CEP170: variants seen among roughly 807,000 people sequenced by gnomAD.
CEP170 encodes centrosomal protein of 170 kDa.
Under a neutral mutation model 151.9 loss-of-function variants are expected in CEP170, and 21 were observed. That is an observed-to-expected ratio of 0.14 (90% CI 0.10 to 0.20). The LOEUF (loss-of-function observed/expected upper bound fraction) is 0.20, where lower values mean the gene tolerates loss of function less well. CEP170 is among the 10% of genes least tolerant of loss of function. The probability of loss-of-function intolerance (pLI) is 1.00; values close to 1 mark genes in which losing one functional copy is unlikely to be tolerated. For synonymous variants in CEP170, 356 were observed against 648.8 expected, an observed-to-expected ratio of 0.55 and a Z score of 6.86; for missense variants, 964 against 1,892.9, an observed-to-expected ratio of 0.51 and a Z score of 9.11.
chr1:243,241,485 C>A (rs1399042593), intron 1 of CEP170, among the ~76,000 whole-genome samples: 2 of 151,976 alleles, frequency 1.3e-5, no homozygotes, highest in Non-Finnish European at 2.9e-5. Flanking sequence ...AAGAGATTAT[C>A]TTAACTATAT....
intron 7 of CEP170, among the ~76,000 whole-genome samples, chr1:243,195,672 A>T: frequency 6.6e-6 from 1 of 151,900 alleles, no homozygotes; most frequent in Non-Finnish European, 1.5e-5. Context: ...CCACAATTTG[A>T]AACTTAAAAA....
intron 17 of CEP170, among the ~76,000 whole-genome samples, chr1:243,135,476 G>A (rs997541211): frequency 7.2e-5 from 11 of 152,148 alleles, no homozygotes; most frequent in Non-Finnish European, 1.5e-5. Context: ...AAAGTGCTGG[G>A]ATTACAGGCA....
intron 11 of CEP170, 112 bp from the exon 12 acceptor site, chr1:243,169,866 C>T (rs2058707645): frequency 4.7e-6 from 6 of 1,276,166 alleles, no homozygotes; most frequent in Non-Finnish European, 6.4e-6. Context: ...ATAATTAAAC[C>T]TCACCTTGCT....
intron 14 of CEP170, among the ~76,000 whole-genome samples, chr1:243,151,538 A>G (rs1196904511): frequency 2.0e-5 from 3 of 152,094 alleles, no homozygotes; most frequent in Non-Finnish European, 4.4e-5. Flanking sequence ...ACTAATCCAG[A>G]GCAAAATCTG....
At chr1:243,217,660 G>T (rs944956483) in intron 3 of CEP170, among the ~76,000 whole-genome samples, 1 of 152,080 alleles carries the variant, frequency 6.6e-6, no homozygotes, top group Admixed American at 6.6e-5. Context: ...GTCTCCTGAA[G>T]GTCTAAAATT....
At chr1:243,195,285 G>A (rs767319569) in intron 7 of CEP170, among the ~76,000 whole-genome samples, 11 of 151,998 alleles carry the variant, frequency 7.2e-5, no homozygotes, top group Non-Finnish European at 1.5e-4. Context: ...GTGTGCAACA[G>A]TTAAAGGCCT....
In CEP170 at chr1:243,192,831, C is replaced by G. The variant is rs1373622130; in HGVS notation, c.632-1337G>C. On this transcript the variant is annotated intron_variant, in intron 7 of 19. Coordinates refer to ENST00000366542, the MANE Select transcript of CEP170 (RefSeq NM_014812.3). The stretch of plus-strand genomic sequence containing the variant: ...TATAGTAACATCTCTCTTTCATAAT[C>G]AAATGTGTGGGATAGGGCACGGAAG... Among the ~76,000 whole-genome samples the G allele has an allele frequency of 4.6e-5, 7 of 152,090 alleles. No individual in the cohort carries two copies. The East Asian group carries it at 1.2e-3, about 25-fold the overall frequency.
intron 13 of CEP170, among the ~76,000 whole-genome samples, chr1:243,157,885 C>T (rs1018748318): frequency 1.3e-5 from 2 of 152,154 alleles, no homozygotes; most frequent in African/African-American, 4.8e-5. Context: ...ATGTTTGGAA[C>T]TAGATTCATT....
intron 10 of CEP170, chr1:243,176,763 CT>C (rs1456681091): frequency 2.7e-6 from 1 of 365,588 alleles, no homozygotes; most frequent in South Asian, 2.1e-5. Context: ...ACAGTCTTTG[CT>C]TTTGAGGAGG....
chr1:243,133,711 AGGTGAAT>A (rs2054697770), intron 17 of CEP170, among the ~76,000 whole-genome samples: 1 of 152,196 alleles, frequency 6.6e-6, no homozygotes, highest in South Asian at 2.1e-4. Flanking sequence ...AGCAAATCAT[AGGTGAAT>A]GGGTTGTACG....
intron 14 of CEP170, among the ~76,000 whole-genome samples, chr1:243,148,128 G>A (rs1181177119): frequency 4.6e-5 from 7 of 152,156 alleles, no homozygotes; most frequent in South Asian, 2.1e-4. Flanking sequence ...GCAGTGAGCC[G>A]AGATCATGCC....
chr1:243,160,238 A>G (rs1318488022), intron 13 of CEP170, among the ~76,000 whole-genome samples: 1 of 152,186 alleles, frequency 6.6e-6, no homozygotes, highest in Non-Finnish European at 1.5e-5. Flanking sequence ...TTCTTAATAT[A>G]TTATTAGGCT....
Position 243,139,972 on chromosome 1 carries a change from T to G in CEP170, c.4195A>C (p.Thr1399Pro), listed in dbSNP as rs776747259. The G allele has an allele frequency of 6.2e-7, 1 of 1,613,186 alleles. No homozygotes were observed. Among genetic ancestry groups the G allele is most frequent in the Non-Finnish European group, 8.5e-7 (1 of 1,179,388 alleles). ...PQAAEPPDHL[T>P]ITRRRTWSRD... ...CTCCAGGTTCTCCGCCTTGTAATTG[T>G]TAAGTGATCGGGAGGCTCTGCTGCT... is the stretch of plus-strand genomic sequence containing the variant. The change falls in exon 16 of 20, where the codon ACA (threonine) becomes CCA (proline). Residue 1399 changes from threonine to proline, a missense_variant. Transcript: ENST00000366542.
chr1:243,186,909 A>C (rs943662238), intron 8 of CEP170, among the ~76,000 whole-genome samples: 30 of 152,252 alleles, frequency 2.0e-4, no homozygotes, highest in African/African-American at 7.2e-4. Context: ...CTTAAGCTTC[A>C]CTGATGTTCA....
intron 12 of CEP170, among the ~76,000 whole-genome samples, chr1:243,166,905 T>G (rs1488443009): frequency 1.3e-5 from 2 of 152,152 alleles, no homozygotes; most frequent in Admixed American, 1.3e-4. Context: ...AGATCTACTT[T>G]CAGCTATTTC....
chr1:243,159,560 C>T (rs1244080230), intron 13 of CEP170, among the ~76,000 whole-genome samples: 4 of 152,050 alleles, frequency 2.6e-5, no homozygotes, highest in Non-Finnish European at 4.4e-5. Context: ...TAAATTTCCC[C>T]CCATCTACTT....
chr1:243,194,692 T>C (rs1470830208), intron 7 of CEP170, among the ~76,000 whole-genome samples: 1 of 151,832 alleles, frequency 6.6e-6, no homozygotes, highest in Non-Finnish European at 1.5e-5. Flanking sequence ...TAAAACACCT[T>C]TCCTCCCTCA....
At chr1:243,172,565 G>A (rs1322763053) in intron 11 of CEP170, 132 bp downstream of exon 11, 2 of 604,356 alleles carry the variant, frequency 3.3e-6, no homozygotes, top group Non-Finnish European at 5.3e-6. Context: ...TCAGACGGCA[G>A]AGGCTGCAGT....
intron 4 of CEP170, 177 bp downstream of exon 4, chr1:243,211,709 C>T (rs1483800685): frequency 4.3e-6 from 3 of 692,580 alleles, no homozygotes; most frequent in South Asian, 2.4e-5. Flanking sequence ...TCCATGATTA[C>T]TTTTAGGAAC....
Sources: allele counts gnomAD v4.1 joint callset (sites outside exome capture counted in the v4.1 genomes callset), GRCh38; gene constraint gnomAD v4.1.1; transcripts MANE v1.5; gene names NCBI Gene and HGNC (gene_info 2026-07-23, HGNC 2026-07-21).